The following TNKS variants were observed in gnomAD, a reference collection of about 807,000 sequenced individuals.
TNKS encodes poly [ADP-ribose] polymerase tankyrase-1.
In TNKS, 72 loss-of-function variants were observed where a neutral mutation model predicts 135.8. The ratio of observed to expected loss-of-function variants is 0.53; its 90% CI spans 0.44 to 0.64. The LOEUF (loss-of-function observed/expected upper bound fraction) is 0.64. TNKS is among the 30% of genes least tolerant of loss of function. The pLI is 0.00. For synonymous variants in TNKS, 849 were observed against 649.3 expected, an observed-to-expected ratio of 1.31 and a Z score of -4.68; for missense variants, 1,769 against 1,674.0, an observed-to-expected ratio of 1.06 and a Z score of -0.99.
chr8:9,770,847 G>A (rs1807785652), intron 26 of TNKS, among the ~76,000 whole-genome samples: 1 of 152,122 alleles, frequency 6.6e-6, no homozygotes, highest in Non-Finnish European at 1.5e-5. Flanking sequence ...TGTGTTGATG[G>A]AGATACCGTG....
At chr8:9,641,249 T>A (rs1348410881) in intron 3 of TNKS, among the ~76,000 whole-genome samples, 1 of 145,374 alleles carries the variant, frequency 6.9e-6, no homozygotes, top group Non-Finnish European at 1.5e-5. Context: ...AATGTGTTGT[T>A]AACTTTTTAT....
intron 5 of TNKS, among the ~76,000 whole-genome samples, chr8:9,684,345 GT>G (rs932561712): frequency 1.3e-5 from 2 of 151,820 alleles, no homozygotes; most frequent in African/African-American, 4.8e-5. Flanking sequence ...ATATTCTCTT[GT>G]TTTCCAGTGT....
chr8:9,721,730 T>C (rs1024427397), intron 12 of TNKS, among the ~76,000 whole-genome samples: 10 of 152,052 alleles, frequency 6.6e-5, no homozygotes, highest in Non-Finnish European at 1.2e-4. Flanking sequence ...GACCTAACTG[T>C]ATAGGTACCT....
Position 9,761,707 on chromosome 8 carries a change from G to T in TNKS, c.3274+71G>T, listed in dbSNP as rs1807158188. The T allele has an allele frequency of 6.0e-6, 9 of 1,498,254 alleles. No homozygotes were observed. In the East Asian group the frequency reaches 1.6e-4, roughly 27 times the overall value. 92.8% of individuals were successfully genotyped at this position (1,498,254 alleles called of 1,614,324 possible). A position where few individuals can be genotyped will look rare whatever the true frequency, so the allele number is the denominator to read the frequency against. On this transcript the variant is annotated intron_variant, in intron 21 of 26. Transcript: ENST00000310430. Reference sequence around the variant, plus strand: ...AAGGTAAGTATTGGGGCTGATAATTGAACTCAGGCAGTCCAGTCCCAGAAC... The same window carrying T: ...AAGGTAAGTATTGGGGCTGATAATTTAACTCAGGCAGTCCAGTCCCAGAAC...
At chr8:9,732,149 A>T (rs1241545246) in intron 14 of TNKS, among the ~76,000 whole-genome samples, 1 of 152,210 alleles carries the variant, frequency 6.6e-6, no homozygotes, top group Non-Finnish European at 1.5e-5. Context: ...TGCTATTAAA[A>T]ATGTACAGTC....
Position 9,734,853 on chromosome 8 carries a change from TC to T in TNKS, c.2314-11del, listed in dbSNP as rs773208304. On this transcript the variant is annotated splice_polypyrimidine_tract_variant and intron_variant, in intron 15 of 26. Coordinates refer to ENST00000310430, the MANE Select transcript of TNKS (RefSeq NM_003747.3). Reference sequence around the variant, plus strand: ...GAAAATACAAACCCCATTTGGTTTTTCTTCTTTGTAGCATGGAGCAGATCCA... The same window carrying T: ...GAAAATACAAACCCCATTTGGTTTTTTTCTTTGTAGCATGGAGCAGATCCA... 6.2e-7 allele frequency: 1 copy of T among 1,604,594 alleles called. No homozygotes were observed. The highest frequency in any genetic ancestry group is 1.1e-5 in the South Asian group (1 of 89,404).
At chr8:9,558,305 C>G (rs184394629) in intron 1 of TNKS, 20 of 152,312 alleles carry the variant, frequency 1.3e-4, no homozygotes, top group African/African-American at 3.8e-4. Context: ...TATACAGACA[C>G]TACTTATTAG....
At chr8:9,635,619 T>TG (rs1170498947) in intron 3 of TNKS, among the ~76,000 whole-genome samples, 1 of 151,904 alleles carries the variant, frequency 6.6e-6, no homozygotes, top group East Asian at 1.9e-4. Flanking sequence ...ATACTTTTTT[T>TG]GGATATCAAA....
At position 9,593,186 on chromosome 8, in the gene TNKS, A is replaced by G. The variant is rs573269285; in HGVS notation, c.898+12803A>G. Among the ~76,000 whole-genome samples the G allele has an allele frequency of 9.8e-5, 15 of 152,294 alleles. No individual in the cohort carries two copies. In the East Asian group the frequency reaches 2.9e-3, roughly 29 times the overall value. Reference sequence around the variant, plus strand: ...AGTTGCTGTGGATAGTTGATACGTAATATTGTAAAGGGTTTTCCCTCGAGG... The same window carrying G: ...AGTTGCTGTGGATAGTTGATACGTAGTATTGTAAAGGGTTTTCCCTCGAGG... On this transcript the variant is annotated intron_variant, in intron 2 of 26. Coordinates refer to ENST00000310430, the MANE Select transcript of TNKS (RefSeq NM_003747.3).
intron 3 of TNKS, among the ~76,000 whole-genome samples, chr8:9,635,276 G>C (rs1304338951): frequency 1.3e-5 from 2 of 152,176 alleles, no homozygotes; most frequent in African/African-American, 4.8e-5. Flanking sequence ...ACATATCCGG[G>C]ATAGTTTGAC....
intron 1 of TNKS, chr8:9,557,354 C>A (rs1291828326): frequency 2.0e-5 from 3 of 150,838 alleles, no homozygotes; most frequent in African/African-American, 7.3e-5. Context: ...CAAAGTTCTC[C>A]CTCAAAAAGT....
chr8:9,718,551 C>T (rs781778662), intron 11 of TNKS, among the ~76,000 whole-genome samples: 8 of 152,080 alleles, frequency 5.3e-5, no homozygotes, highest in Non-Finnish European at 1.2e-4. Flanking sequence ...CTAAATATTT[C>T]GGGCCAAGTG....
chr8:9,602,187 C>T (rs997809204), intron 2 of TNKS, among the ~76,000 whole-genome samples: 2 of 152,112 alleles, frequency 1.3e-5, no homozygotes, highest in African/African-American at 4.8e-5. Flanking sequence ...GTGGCAAAAG[C>T]CCGAGCCTGA....
intron 15 of TNKS, 69 bp downstream of exon 15, chr8:9,733,513 G>A (rs1419551711): frequency 1.5e-6 from 2 of 1,320,912 alleles, no homozygotes; most frequent in Non-Finnish European, 2.1e-6. Flanking sequence ...TTGAAAGTAA[G>A]TTGGGGTATG....
rs185456551 is a variant in TNKS, at chr8:9,664,021, A to G, written c.995-15930A>G. Among the ~76,000 whole-genome samples, 330 of 152,302 alleles carry G rather than the reference A, an allele frequency of 2.2e-3. 4 individuals carry two copies. The highest frequency in any genetic ancestry group is 2.8e-4 in the Non-Finnish European group (19 of 68,026). On this transcript the variant is annotated intron_variant, in intron 3 of 26. Coordinates refer to ENST00000310430, the MANE Select transcript of TNKS (RefSeq NM_003747.3). ...CAGTCACATGATTGTTTCCTCTGGT[A>G]CCAGCCCCTATCTGGAGACTATCCA...
intron 20 of TNKS, among the ~76,000 whole-genome samples, chr8:9,759,347 T>C (rs1807020166): frequency 6.6e-6 from 1 of 152,222 alleles, no homozygotes; most frequent in Non-Finnish European, 1.5e-5. Context: ...TGCTGTATTA[T>C]ATTTGTTAGA....
intron 3 of TNKS, among the ~76,000 whole-genome samples, chr8:9,624,776 A>G (rs1276790680): frequency 1.3e-5 from 2 of 152,160 alleles, no homozygotes; most frequent in Admixed American, 1.3e-4. Flanking sequence ...TGGTTCCAGG[A>G]TCCCCTGAAG....
At chr8:9,630,778 T>C (rs1800260663) in intron 3 of TNKS, among the ~76,000 whole-genome samples, 1 of 152,238 alleles carries the variant, frequency 6.6e-6, no homozygotes, top group Non-Finnish European at 1.5e-5. Flanking sequence ...AGAATCATCG[T>C]AAATGAATGA....
At chr8:9,693,821 G>A (rs1023141217) in intron 5 of TNKS, among the ~76,000 whole-genome samples, 68 of 152,198 alleles carry the variant, frequency 4.5e-4, no homozygotes, top group Admixed American at 3.6e-3. Flanking sequence ...ATATGCACAC[G>A]CACACACAAT....
Sources: allele counts gnomAD v4.1 joint callset (sites outside exome capture counted in the v4.1 genomes callset), GRCh38; gene constraint gnomAD v4.1.1; transcripts MANE v1.5; gene names NCBI Gene and HGNC (gene_info 2026-07-23, HGNC 2026-07-21).